Variants in TCAF1 observed in about 807,000 individuals in gnomAD.
TCAF1 encodes the protein TRPM8 channel-associated factor 1.
In TCAF1, 4 loss-of-function variants were observed where a neutral mutation model predicts 27.3. The observed-to-expected ratio is 0.15, with a 90% CI of 0.07 to 0.34. The LOEUF (loss-of-function observed/expected upper bound fraction) is 0.34. TCAF1 is among the 10% of genes least tolerant of loss of function. The probability of loss-of-function intolerance (pLI) is 1.00; values close to 1 mark genes in which losing one functional copy is unlikely to be tolerated. For missense variants in TCAF1, 257 were observed against 425.8 expected, an observed-to-expected ratio of 0.60 and a Z score of 3.49; for synonymous variants, 105 against 167.1, an observed-to-expected ratio of 0.63 and a Z score of 2.87.
chr7:143,883,118 T>C (rs905586102), intron 1 of TCAF1, among the ~76,000 whole-genome samples: 25 of 152,206 alleles, frequency 1.6e-4, no homozygotes, highest in African/African-American at 5.5e-4. Flanking sequence ...GCTGAGCAAA[T>C]TGTGGGACAA....
At chr7:143,874,893 TATA>T (rs1400968266) in intron 2 of TCAF1, among the ~76,000 whole-genome samples, 2 of 152,222 alleles carry the variant, frequency 1.3e-5, no homozygotes, top group African/African-American at 4.8e-5. Context: ...GCCTGGGATA[TATA>T]ATATGTTTAA....
rs144871727 is a variant in TCAF1, at chr7:143,876,311, G to A, written c.298C>T (p.Pro100Ser). ...GAGCCCTCGAGGATTTTGGCCAAAG[G>A]TGCCAGGGATGGGTGTACACCAATG... The part of the protein sequence containing the change: ...APIGVHPSLA[P>S]LAKILEGSGV... Residue 100 changes from proline (P) to serine (S), a missense_variant, in exon 2 of 9, where the codon CCT becomes TCT. Pro to Ser is a moderately conservative substitution (Grantham distance 74). Transcript: ENST00000479870. The A allele has an allele frequency of 1.2e-6, 2 of 1,614,194 alleles. No individual in the cohort carries two copies. Among genetic ancestry groups the A allele is most frequent in the Middle Eastern group, 1.6e-4 (1 of 6,062 alleles).
At chr7:143,894,241 G>A (rs1463923431) in intron 1 of TCAF1, among the ~76,000 whole-genome samples, 1 of 151,708 alleles carries the variant, frequency 6.6e-6, no homozygotes, top group African/African-American at 2.4e-5. Context: ...CTGCAAAAAA[G>A]TTTAGTCCCA....
intron 1 of TCAF1, chr7:143,885,119 C>A (rs1212290500): frequency 1.0e-6 from 1 of 985,462 alleles, no homozygotes; most frequent in East Asian, 1.1e-4. Flanking sequence ...CCCACCCGCA[C>A]CTCAGCGGAC....
intron 6 of TCAF1, among the ~76,000 whole-genome samples, chr7:143,859,885 ATATAATATATATTATATAATATATAT>A (rs1811798007): frequency 2.6e-5 from 3 of 114,898 alleles, no homozygotes; most frequent in African/African-American, 1.0e-4. Flanking sequence ...ATATACATAT[ATATAATATATATTATATAATATATAT>A]TACGGAATAT....
Position 143,875,725 on chromosome 7 carries a change from T to C in TCAF1, c.620+264A>G, listed in dbSNP as rs140039402. Among the ~76,000 whole-genome samples, 63 of 152,316 alleles carry C rather than the reference T, an allele frequency of 4.1e-4. No individual in the cohort carries two copies. The East Asian group carries it at 0.011, about 26-fold the overall frequency. ...AACTGTTGGGGCCAACAGCACAGTT[T>C]TGATTAAGCAAGACACTGGGACCAT... On this transcript the variant is annotated intron_variant, in intron 2 of 8. Transcript: ENST00000479870.
intron 1 of TCAF1, among the ~76,000 whole-genome samples, chr7:143,888,212 A>C (rs1813503499): frequency 1.3e-5 from 2 of 152,224 alleles, no homozygotes; most frequent in South Asian, 4.1e-4. Flanking sequence ...TAAATTCATC[A>C]ATGAAATGAT....
At chr7:143,860,010 A>ATG (rs1296100030) in intron 6 of TCAF1, among the ~76,000 whole-genome samples, 198 bp downstream of exon 6, 18 of 19,830 alleles carry the variant, frequency 9.1e-4, no homozygotes, top group Middle Eastern at 0.023. Context: ...TAATATATAT[A>ATG]TAATATATAT....
rs1230404884 is a variant in TCAF1, at chr7:143,886,700, C to T, written c.-14-10078G>A. Among the ~76,000 whole-genome samples the T allele has an allele frequency of 9.0e-5, 8 of 89,162 alleles. No individual in the cohort carries two copies. The South Asian group carries it at 1.9e-3, about 22-fold the overall frequency. 58.5% of individuals were successfully genotyped at this position (89,162 alleles called of 152,430 possible). A position where few individuals can be genotyped will look rare whatever the true frequency, so the allele number is the denominator to read the frequency against. ...CTTTTAATGCTTCCTCAAATTTTAC[C>T]TTTTTTTTTTTTTTTTTTTTTTTGA... On this transcript the variant is annotated intron_variant, in intron 1 of 8. Coordinates refer to ENST00000479870, the MANE Select transcript of TCAF1 (RefSeq NM_014719.3).
chr7:143,858,724 G>GC lies in TCAF1; in HGVS notation c.2505+99dup, dbSNP rs1194887614. 4.8e-5 allele frequency: 29 copies of GC among 598,920 alleles called. No individual in the cohort carries two copies. The East Asian group carries it at 7.6e-4, about 16-fold the overall frequency. The allele number at this position is 598,920 out of a possible 1,614,324, so 37.1% of individuals were successfully genotyped here. A position where few individuals can be genotyped will look rare whatever the true frequency, so the allele number is the denominator to read the frequency against. The stretch of plus-strand genomic sequence containing the variant: ...CCATATCCCAGTGTGGGAGACAGGG[G>GC]CCATGGGTGGTCTTCTGGGCCACTA... On this transcript the variant is annotated intron_variant, in intron 7 of 8. Transcript: ENST00000479870.
intron 1 of TCAF1, among the ~76,000 whole-genome samples, chr7:143,893,519 T>A (rs1411478422): frequency 6.6e-6 from 1 of 152,056 alleles, no homozygotes; most frequent in Non-Finnish European, 1.5e-5. Flanking sequence ...ATACTGGGTA[T>A]GAAGCAAGTC....
chr7:143,860,107 G>A (rs1384626315), intron 6 of TCAF1, 101 bp downstream of exon 6: 2 of 93,930 alleles, frequency 2.1e-5, no homozygotes, highest in Non-Finnish European at 1.9e-5. Context: ...TGTCTTGCTA[G>A]CAAAATATGT....
At chr7:143,886,527 A>G in intron 1 of TCAF1, 1 of 985,160 alleles carries the variant, frequency 1.0e-6, no homozygotes, top group Non-Finnish European at 1.2e-6. Context: ...GGTGCTCTGT[A>G]ATGTCCACTG....
At chr7:143,882,624 C>T (rs1480683345) in intron 1 of TCAF1, 9 of 985,258 alleles carry the variant, frequency 9.1e-6, no homozygotes, top group Admixed American at 6.1e-5. Flanking sequence ...CATCGCGCCC[C>T]GCACCCCCGC....
intron 1 of TCAF1, among the ~76,000 whole-genome samples, chr7:143,891,727 CAATT>C (rs1412167385): frequency 7.9e-5 from 12 of 152,052 alleles, no homozygotes; most frequent in African/African-American, 2.7e-4. Context: ...AAAATGTTAT[CAATT>C]AATGATTTGA....
At chr7:143,882,586 T>G in intron 1 of TCAF1, 1 of 985,502 alleles carries the variant, frequency 1.0e-6, no homozygotes, top group Non-Finnish European at 1.2e-6. Flanking sequence ...GATTTCTGAT[T>G]TCGGCACACC....
chr7:143,900,478 G>A (rs1214033434), intron 1 of TCAF1, among the ~76,000 whole-genome samples: 2 of 151,980 alleles, frequency 1.3e-5, no homozygotes, highest in East Asian at 1.9e-4. Flanking sequence ...GAGGCCAATC[G>A]GCCTGCCAGC....
At chr7:143,895,686 A>G (rs1330488289) in intron 1 of TCAF1, among the ~76,000 whole-genome samples, 1 of 151,756 alleles carries the variant, frequency 6.6e-6, no homozygotes, top group African/African-American at 2.4e-5. Context: ...TGGTAAACAT[A>G]TATTTAATAC....
intron 1 of TCAF1, chr7:143,882,319 C>A: frequency 2.3e-6 from 2 of 853,482 alleles, no homozygotes; most frequent in African/African-American, 1.8e-5. Flanking sequence ...GGACAGTAGG[C>A]CACAAGTAAT....
Sources: gnomAD v4.1 joint callset for allele counts (sites outside exome capture counted in the v4.1 genomes callset) on GRCh38, gnomAD v4.1.1 for gene constraint, MANE v1.5 for transcripts, NCBI Gene and HGNC (gene_info 2026-07-23, HGNC 2026-07-21) for gene names.